NTN1: variants seen among roughly 807,000 people sequenced by gnomAD.
The protein encoded by NTN1 is netrin-1.
A neutral mutation model predicts 54.2 loss-of-function variants in NTN1; 11 were observed. The observed-to-expected ratio is 0.20, with a 90% CI of 0.13 to 0.34. The LOEUF (loss-of-function observed/expected upper bound fraction) is 0.34, where lower values mean the gene tolerates loss of function less well. Among genes scored for constraint, NTN1 ranks in the 10% least tolerant of loss-of-function variants. NTN1 has a pLI of 1.00. For missense variants in NTN1, 740 were observed against 893.1 expected, an observed-to-expected ratio of 0.83 and a Z score of 2.18; for synonymous variants, 371 against 382.0, an observed-to-expected ratio of 0.97 and a Z score of 0.33.
At chr17:9,022,273 G>A in intron 1 of NTN1, 38 bp from the exon 2 acceptor site, 1 of 1,198,400 alleles carries the variant, frequency 8.3e-7, no homozygotes, top group Non-Finnish European at 1.0e-6. Flanking sequence ...GGAGGGCGCG[G>A]GGCGGGCTGG....
In NTN1 at chr17:9,187,021, C is replaced by T. The variant is rs146273735; in HGVS notation, c.1411+4052C>T. Among the ~76,000 whole-genome samples, 754 of 152,118 alleles carry T rather than the reference C, an allele frequency of 5.0e-3. 4 individuals are homozygous for T. Among genetic ancestry groups the T allele is most frequent in the Middle Eastern group, 0.024 (7 of 294 alleles). On this transcript the variant is annotated intron_variant, in intron 5 of 6. Coordinates refer to ENST00000173229, the MANE Select transcript of NTN1 (RefSeq NM_004822.3). Reference sequence around the variant, plus strand: ...TTCTTCATTTGTGAAATGGGGTAATCGCAACCCTGCCACTAGGGCTGTTGT... The same window carrying T: ...TTCTTCATTTGTGAAATGGGGTAATTGCAACCCTGCCACTAGGGCTGTTGT...
intron 5 of NTN1, among the ~76,000 whole-genome samples, 174 bp from the exon 6 acceptor site, chr17:9,220,994 A>T (rs992629566): frequency 2.0e-5 from 3 of 151,862 alleles, no homozygotes; most frequent in African/African-American, 7.3e-5. Context: ...TTTGTCCCTC[A>T]GGCCTCTTTA....
At chr17:9,093,187 C>T (rs974266253) in intron 2 of NTN1, among the ~76,000 whole-genome samples, 4 of 152,310 alleles carry the variant, frequency 2.6e-5, no homozygotes, top group Non-Finnish European at 5.9e-5. Context: ...GCCACCATAC[C>T]GGCCTGATAA....
At chr17:9,228,871 T>TGA (rs1337680235) in intron 6 of NTN1, among the ~76,000 whole-genome samples, 131 of 7,176 alleles carry the variant, frequency 0.018, no homozygotes, top group African/African-American at 0.099. Context: ...TGAGAGTGTG[T>TGA]CTGTGTGTGA....
chr17:9,231,634 A>G (rs749296321), intron 6 of NTN1, among the ~76,000 whole-genome samples: 34 of 151,420 alleles, frequency 2.2e-4, no homozygotes, highest in Middle Eastern at 3.4e-3. Context: ...CTGTCAGGCA[A>G]AGGGGCTCGC....
At chr17:9,202,078 A>C (rs1404948526) in intron 5 of NTN1, among the ~76,000 whole-genome samples, 12 of 139,428 alleles carry the variant, frequency 8.6e-5, no homozygotes, top group African/African-American at 2.5e-4. Context: ...AAAAAAAAAA[A>C]AAAAAAAAAA....
At chr17:9,023,862 T>C (rs940852) in intron 2 of NTN1, among the ~76,000 whole-genome samples, 103,968 of 151,744 alleles carry the variant, frequency 0.69, 36,032 homozygotes, top group East Asian at 0.78. Flanking sequence ...GAACTGTTTG[T>C]AGTTTGGGGT....
chr17:9,192,947 G>GC (rs1174457178), intron 5 of NTN1, among the ~76,000 whole-genome samples: 2 of 152,080 alleles, frequency 1.3e-5, no homozygotes, highest in Non-Finnish European at 2.9e-5. Flanking sequence ...GGGCATGGTG[G>GC]CACGCGCCTG....
At chr17:9,202,007 G>A (rs909790124) in intron 5 of NTN1, among the ~76,000 whole-genome samples, 2 of 116,526 alleles carry the variant, frequency 1.7e-5, no homozygotes, top group Non-Finnish European at 3.3e-5. Context: ...TCAATATGGT[G>A]AAACCCCGTC....
chr17:9,230,924 C>T (rs547493156), intron 6 of NTN1, among the ~76,000 whole-genome samples: 1 of 152,190 alleles, frequency 6.6e-6, no homozygotes, highest in African/African-American at 2.4e-5. Flanking sequence ...ATCTGATGAA[C>T]AGTATCTCCT....
intron 2 of NTN1, among the ~76,000 whole-genome samples, chr17:9,051,878 C>T (rs997860062): frequency 2.6e-5 from 4 of 151,986 alleles, no homozygotes; most frequent in Admixed American, 6.6e-5. Flanking sequence ...TAAAGCAAAA[C>T]GGGTAGTTTT....
At chr17:9,018,166 G>T (rs896395719), upstream of NTN1, among the ~76,000 whole-genome samples, 2 of 152,104 alleles carry the variant, frequency 1.3e-5, no homozygotes, top group African/African-American at 4.8e-5. Flanking sequence ...CTGCTCACCA[G>T]GAACTACTAA....
At chr17:9,019,743 GAGC>G (rs1567690669), upstream of NTN1, among the ~76,000 whole-genome samples, 1 of 152,234 alleles carries the variant, frequency 6.6e-6, no homozygotes, top group Non-Finnish European at 1.5e-5. Context: ...TTCCTCCTAA[GAGC>G]TATGCTGCCT....
intron 2 of NTN1, among the ~76,000 whole-genome samples, chr17:9,129,162 G>A (rs2092256144): frequency 6.6e-6 from 1 of 152,122 alleles, no homozygotes; most frequent in South Asian, 2.1e-4. Flanking sequence ...CAGACCTGAG[G>A]AAATTGAAAA....
At chr17:9,180,684 C>G (rs943786143) in intron 4 of NTN1, among the ~76,000 whole-genome samples, 1 of 152,138 alleles carries the variant, frequency 6.6e-6, no homozygotes, top group Non-Finnish European at 1.5e-5. Context: ...CCAGGGCCTT[C>G]GAGAGGAGCT....
intron 2 of NTN1, among the ~76,000 whole-genome samples, chr17:9,145,620 A>G: frequency 6.6e-6 from 1 of 152,150 alleles, no homozygotes. Flanking sequence ...GTAAAGTTGT[A>G]AAGTATGGGG....
At chr17:9,195,798 C>A (rs1026480981) in intron 5 of NTN1, among the ~76,000 whole-genome samples, 1 of 152,198 alleles carries the variant, frequency 6.6e-6, no homozygotes, top group Admixed American at 6.5e-5. Context: ...GGAAAGCCCC[C>A]CTCCAGCCCC....
intron 2 of NTN1, among the ~76,000 whole-genome samples, chr17:9,137,012 T>C (rs914374036): frequency 4.6e-5 from 7 of 152,206 alleles, no homozygotes; most frequent in African/African-American, 1.7e-4. Flanking sequence ...GGATTCCTGG[T>C]GGTGTTCTCA....
intron 2 of NTN1, among the ~76,000 whole-genome samples, chr17:9,077,777 C>T (rs1251474113): frequency 1.3e-5 from 2 of 152,100 alleles, no homozygotes; most frequent in East Asian, 1.9e-4. Context: ...TAGTCTTAAA[C>T]GGGTCTCCAC....
Sources: gnomAD v4.1 joint callset for allele counts (sites outside exome capture counted in the v4.1 genomes callset) on GRCh38, gnomAD v4.1.1 for gene constraint, MANE v1.5 for transcripts, NCBI Gene and HGNC (gene_info 2026-07-23, HGNC 2026-07-21) for gene names.